The following SLC23A2 variants were observed in gnomAD, a reference collection of about 807,000 sequenced individuals.
SLC23A2 encodes the protein Na(+)/L-ascorbic acid transporter 2.
A neutral mutation model predicts 73.3 loss-of-function variants in SLC23A2; 36 were observed. The ratio of observed to expected loss-of-function variants is 0.49; its 90% confidence interval spans 0.38 to 0.65. The LOEUF (loss-of-function observed/expected upper bound fraction) is 0.65, where lower values mean the gene tolerates loss of function less well. Among genes scored for constraint, SLC23A2 ranks in the 30% least tolerant of loss-of-function variants. The probability of loss-of-function intolerance (pLI) is 0.00; values close to 1 mark genes in which losing one functional copy is unlikely to be tolerated. For synonymous variants in SLC23A2, 343 were observed against 327.3 expected, an observed-to-expected ratio of 1.05 and a Z score of -0.52; for missense variants, 507 against 841.6, an observed-to-expected ratio of 0.60 and a Z score of 4.92.
intron 3 of SLC23A2, among the ~76,000 whole-genome samples, chr20:4,922,558 T>G (rs1932531271): frequency 6.6e-6 from 1 of 152,170 alleles, no homozygotes; most frequent in African/African-American, 2.4e-5. Context: ...CCGGGCACAG[T>G]GGCTCACGCC....
At chr20:4,903,863 T>C (rs1166699979) in intron 4 of SLC23A2, among the ~76,000 whole-genome samples, 3 of 152,188 alleles carry the variant, frequency 2.0e-5, no homozygotes, top group Admixed American at 2.0e-4. Flanking sequence ...GTCTGAGGGG[T>C]GTAGCATGTA....
chr20:4,989,334 T>A (rs1389541800), intron 1 of SLC23A2, among the ~76,000 whole-genome samples: 1 of 152,080 alleles, frequency 6.6e-6, no homozygotes, highest in African/African-American at 2.4e-5. Context: ...ATTCCTTGTA[T>A]AAAATGCTTG....
intron 6 of SLC23A2, among the ~76,000 whole-genome samples, chr20:4,891,050 G>A (rs1296488091): frequency 6.6e-6 from 1 of 152,112 alleles, no homozygotes; most frequent in Admixed American, 6.6e-5. Context: ...ATTTAAAACA[G>A]GAAAAGAGCT....
intron 1 of SLC23A2, among the ~76,000 whole-genome samples, chr20:4,999,554 C>CT (rs1284317349): frequency 1.5e-5 from 2 of 129,974 alleles, no homozygotes; most frequent in Admixed American, 7.6e-5. Context: ...CCATACTCAG[C>CT]TATTTTTTTT....
chr20:5,004,342 G>A (rs1334966072), upstream of SLC23A2, among the ~76,000 whole-genome samples: 1 of 152,152 alleles, frequency 6.6e-6, no homozygotes. Flanking sequence ...CTGTGGTCAA[G>A]CTGGGAAGTA....
At chr20:4,948,224 G>A (rs910849533) in intron 2 of SLC23A2, among the ~76,000 whole-genome samples, 3 of 152,196 alleles carry the variant, frequency 2.0e-5, no homozygotes, top group Admixed American at 6.5e-5. Flanking sequence ...AAGGACCAAA[G>A]CCAAATTTCC....
chr20:5,005,727 C>T (rs2088183368), upstream of SLC23A2, among the ~76,000 whole-genome samples: 1 of 152,174 alleles, frequency 6.6e-6, no homozygotes, highest in Non-Finnish European at 1.5e-5. Flanking sequence ...GTGGCTCACG[C>T]TTGTAATCCC....
chr20:4,977,960 G>A (rs2087670246), intron 1 of SLC23A2, among the ~76,000 whole-genome samples: 1 of 152,030 alleles, frequency 6.6e-6, no homozygotes, highest in African/African-American at 2.4e-5. Flanking sequence ...ACTGGTAGTG[G>A]CTCACACTGT....
intron 9 of SLC23A2, among the ~76,000 whole-genome samples, chr20:4,879,432 A>AAAC (rs1323698619): frequency 6.7e-6 from 1 of 150,176 alleles, no homozygotes; most frequent in Non-Finnish European, 1.5e-5. Flanking sequence ...AAAAAAAAAA[A>AAAC]ATCCTCCTAT....
At chr20:4,958,319 T>A (rs770565046) in intron 2 of SLC23A2, among the ~76,000 whole-genome samples, 1 of 152,206 alleles carries the variant, frequency 6.6e-6, no homozygotes, top group Non-Finnish European at 1.5e-5. Flanking sequence ...CTCTTTTTAG[T>A]ACTGGAATGA....
In SLC23A2 at chr20:4,862,799, C is replaced by G; in HGVS notation, c.1465G>C (p.Ala489Pro). 1.2e-6 allele frequency: 2 copies of G among 1,613,896 alleles called. No individual in the cohort carries two copies. Among genetic ancestry groups the G allele is most frequent in the Non-Finnish European group, 1.7e-6 (2 of 1,179,970 alleles). The part of the protein sequence containing the change: ...FASLPDPVLG[A>P]LFCTLFGMIT... ...TTACCAAAGAGCGTGCAGAACAGGG[C>G]TCCCAGCACAGGATCCGGAAGGGAC... Residue 489 changes from alanine to proline, a missense_variant, in exon 14 of 17, where the codon GCC becomes CCC. By Grantham distance (27) the Ala-to-Pro change is conservative (BLOSUM62 -1). Around this residue, in one of 5 missense-constraint regions of SLC23A2, gnomAD observed 168 missense variants for 302.3 expected, o/e 0.56. Coordinates refer to ENST00000338244, the MANE Select transcript of SLC23A2 (RefSeq NM_005116.6). The surrounding 1 kb of genome is among the most constrained non-coding windows in gnomAD (Gnocchi z 5.1).
chr20:4,887,883 A>G (rs545098428), intron 6 of SLC23A2, among the ~76,000 whole-genome samples: 83 of 152,344 alleles, frequency 5.4e-4, no homozygotes, highest in Non-Finnish European at 9.3e-4. Flanking sequence ...CAACAAGAGC[A>G]TATGCACACG....
chr20:4,946,435 C>T (rs1413390174), intron 2 of SLC23A2, among the ~76,000 whole-genome samples: 3 of 152,170 alleles, frequency 2.0e-5, no homozygotes, highest in Non-Finnish European at 2.9e-5. Flanking sequence ...ACTGGATAAA[C>T]GTGGGAAATT....
intron 2 of SLC23A2, among the ~76,000 whole-genome samples, chr20:4,937,567 T>G (rs2122955517): frequency 6.6e-6 from 1 of 152,254 alleles, no homozygotes. Context: ...AAGCATAATA[T>G]TACTTGGTTT....
At chr20:4,953,874 C>T (rs925922851) in intron 2 of SLC23A2, among the ~76,000 whole-genome samples, 2 of 152,060 alleles carry the variant, frequency 1.3e-5, no homozygotes, top group Non-Finnish European at 2.9e-5. Context: ...CAGCGACAGA[C>T]AGAGACTGTC....
chr20:4,867,809 A>C lies in SLC23A2; in HGVS notation c.1317T>G (p.Thr439=). ...DGIFGTGNGS[T]SSSPNIGVLG... ...AAACTCCAATGTTGGGACTGGATGA[A>C]GTAGAGCCATTCCCAGTACCAAATA... Residue 439 remains threonine (T), a synonymous_variant, in exon 13 of 17, where the codon ACT becomes ACG. Transcript: ENST00000338244. The C allele has an allele frequency of 6.2e-7, 1 of 1,610,494 alleles. No homozygotes were observed. The highest frequency in any genetic ancestry group is 8.5e-7 in the Non-Finnish European group (1 of 1,176,828).
chr20:4,955,554 C>G (rs981076981), intron 2 of SLC23A2, among the ~76,000 whole-genome samples: 10 of 151,978 alleles, frequency 6.6e-5, no homozygotes, highest in Non-Finnish European at 1.5e-4. Context: ...TTTGGGAGGC[C>G]AAGGTAGGAG....
rs551084288 is a variant in SLC23A2 at position 4,859,520 on chromosome 20, G to A, written c.1625-136C>T. Reference sequence around the variant, plus strand: ...AGGAAAGTGTACATTTCTTAGTTGTGCACATGTAGATGAATTTTTGCCAGT... The same window carrying A: ...AGGAAAGTGTACATTTCTTAGTTGTACACATGTAGATGAATTTTTGCCAGT... On this transcript the variant is annotated intron_variant, in intron 15 of 16. Transcript: ENST00000338244. 3.0e-5 allele frequency: 20 copies of A among 673,548 alleles called. No individual in the cohort carries two copies. In the African/African-American group the frequency reaches 3.2e-4, roughly 11 times the overall value. 41.7% of individuals were successfully genotyped at this position (673,548 alleles called of 1,614,324 possible). A position where few individuals can be genotyped will look rare whatever the true frequency, so the allele number is the denominator to read the frequency against.
At chr20:4,944,464 C>G (rs1287861272) in intron 2 of SLC23A2, among the ~76,000 whole-genome samples, 3 of 152,186 alleles carry the variant, frequency 2.0e-5, no homozygotes, top group Non-Finnish European at 4.4e-5. Context: ...GTCTTGAACT[C>G]CTGACCTCGT....
Sources: allele counts gnomAD v4.1 joint callset (sites outside exome capture counted in the v4.1 genomes callset), GRCh38; gene constraint gnomAD v4.1.1; regional missense constraint gnomAD v4.1.1; non-coding constraint Gnocchi (gnomAD v3.1); transcripts MANE v1.5; gene names NCBI Gene and HGNC (gene_info 2026-07-23, HGNC 2026-07-21).